Variants in HECTD4 observed in about 807,000 individuals in gnomAD.
The protein encoded by HECTD4 is probable E3 ubiquitin-protein ligase HECTD4.
In HECTD4, 114 loss-of-function variants were observed where a neutral mutation model predicts 471.5. The ratio of observed to expected loss-of-function variants is 0.24; its 90% CI spans 0.21 to 0.28. The LOEUF is 0.28. HECTD4 is among the 10% of genes least tolerant of loss of function. HECTD4 has a pLI of 1.00. For synonymous variants in HECTD4, 2,012 were observed against 2,256.0 expected, an observed-to-expected ratio of 0.89 and a Z score of 3.07; for missense variants, 3,866 against 5,651.5, an observed-to-expected ratio of 0.68 and a Z score of 10.13.
intron 29 of HECTD4, among the ~76,000 whole-genome samples, chr12:112,244,543 A>AT (rs1333871992): frequency 6.6e-6 from 1 of 151,876 alleles, no homozygotes; most frequent in African/African-American, 2.4e-5. Context: ...TAACCTCTGT[A>AT]TTTTTTTAGT....
intron 35 of HECTD4, 78 bp downstream of exon 35, chr12:112,236,867 A>C: frequency 7.5e-7 from 1 of 1,332,626 alleles, no homozygotes; most frequent in Non-Finnish European, 9.8e-7. Flanking sequence ...TTGAAAAGAC[A>C]ACCACCACCA....
At chr12:112,297,234 A>T (rs1247818048) in intron 7 of HECTD4, among the ~76,000 whole-genome samples, 1 of 145,910 alleles carries the variant, frequency 6.9e-6, no homozygotes, top group Non-Finnish European at 1.5e-5. Context: ...GTAGGTGCAG[A>T]GGATGTAAGT....
In HECTD4 at chr12:112,261,370, C is replaced by T. The variant is rs1457375239; in HGVS notation, c.2808G>A (p.Val936=). The T allele has an allele frequency of 6.2e-7, 1 of 1,612,010 alleles. No homozygotes were observed. Among genetic ancestry groups the T allele is most frequent in the Non-Finnish European group, 8.5e-7 (1 of 1,178,208 alleles). ...TTGTGACCTGCTGTAGCATTTCCAA[C>T]ACTTCATCACATCCAGTCAGGATTT... ...ATQILTGCDE[V]LEMLQQVTTA... is the part of the protein sequence containing the mutation. Residue 936 remains valine (V), a synonymous_variant, in exon 18 of 76, where the codon GTG becomes GTA. Transcript: ENST00000682272.
At chr12:112,295,160 C>G (rs192365350) in intron 7 of HECTD4, among the ~76,000 whole-genome samples, 2 of 136,076 alleles carry the variant, frequency 1.5e-5, no homozygotes, top group African/African-American at 3.0e-5. Context: ...GAGAGAGAAA[C>G]AAAAATCCCT....
chr12:112,307,569 T>A (rs2035291460), intron 6 of HECTD4, among the ~76,000 whole-genome samples: 1 of 152,248 alleles, frequency 6.6e-6, no homozygotes, highest in Non-Finnish European at 1.5e-5. Context: ...TCTGCACTTG[T>A]GACAAGAAAT....
chr12:112,351,756 A>C (rs1239700221), intron 1 of HECTD4, among the ~76,000 whole-genome samples: 1 of 152,254 alleles, frequency 6.6e-6, no homozygotes, highest in Non-Finnish European at 1.5e-5. Context: ...TGACTGACAT[A>C]AAGATTTTAC....
chr12:112,302,420 G>A (rs949423330), intron 7 of HECTD4: 31 of 755,166 alleles, frequency 4.1e-5, no homozygotes, highest in Non-Finnish European at 7.0e-5. Context: ...CAGGGCCTGG[G>A]TGAACTGGTT....
chr12:112,352,827 G>A (rs139822475), intron 1 of HECTD4, among the ~76,000 whole-genome samples: 175 of 151,904 alleles, frequency 1.2e-3, no homozygotes, highest in African/African-American at 4.0e-3. Flanking sequence ...GGCTGGTCTC[G>A]AACTCCAGGG....
intron 9 of HECTD4, among the ~76,000 whole-genome samples, chr12:112,278,971 T>G (rs1310249829): frequency 5.3e-5 from 8 of 152,218 alleles, no homozygotes; most frequent in African/African-American, 1.7e-4. Context: ...ATTATTTTAT[T>G]TCCTAAAACT....
At chr12:112,378,023 A>G (rs2036816564) in intron 1 of HECTD4, among the ~76,000 whole-genome samples, 2 of 152,198 alleles carry the variant, frequency 1.3e-5, no homozygotes, top group African/African-American at 4.8e-5. Context: ...AGCAGCGCTT[A>G]CAGGGTGAAC....
intron 32 of HECTD4, 26 bp from the exon 33 acceptor site, chr12:112,240,053 G>C (rs1203202011): frequency 5.0e-6 from 8 of 1,612,212 alleles, no homozygotes; most frequent in Non-Finnish European, 5.9e-6. Flanking sequence ...CAAAGCTCAG[G>C]CTTCCTGAAC....
chr12:112,258,768 C>T lies in HECTD4; in HGVS notation c.3028-172G>A, dbSNP rs144744726. 3.0e-3 allele frequency: 1,738 copies of T among 580,094 alleles called. 43 individuals carry two copies. The East Asian group carries it at 0.038, about 13-fold the overall frequency. The allele number at this position is 580,094 out of a possible 1,614,324, so 35.9% of individuals were successfully genotyped here. A position where few individuals can be genotyped will look rare whatever the true frequency, so the allele number is the denominator to read the frequency against. ...CCACTTAACATTATTTTACTTAATGCTGTAATGGAATGCATCATTTATATT... is the reference window on the plus strand; with the variant it reads ...CCACTTAACATTATTTTACTTAATGTTGTAATGGAATGCATCATTTATATT... On this transcript the variant is annotated intron_variant, in intron 19 of 75. Coordinates refer to ENST00000682272, the MANE Select transcript of HECTD4 (RefSeq NM_001388303.1).
intron 1 of HECTD4, among the ~76,000 whole-genome samples, chr12:112,326,661 GA>G (rs2035751670): frequency 6.6e-6 from 1 of 152,100 alleles, no homozygotes; most frequent in South Asian, 2.1e-4. Flanking sequence ...TAGGAGTGAG[GA>G]TAGGCATATA....
intron 2 of HECTD4, among the ~76,000 whole-genome samples, chr12:112,317,001 G>A (rs1464729627): frequency 3.9e-5 from 6 of 152,152 alleles, no homozygotes; most frequent in Non-Finnish European, 7.3e-5. Flanking sequence ...ATAAAAATGT[G>A]AGTTTTATGA....
chr12:112,308,566 C>G (rs2035314285), intron 6 of HECTD4, among the ~76,000 whole-genome samples, 187 bp downstream of exon 6: 1 of 151,560 alleles, frequency 6.6e-6, no homozygotes, highest in Admixed American at 6.6e-5. Context: ...AGAACACATT[C>G]ACTCAGTTCA....
At chr12:112,329,544 T>G (rs937598038) in intron 1 of HECTD4, among the ~76,000 whole-genome samples, 38 of 152,192 alleles carry the variant, frequency 2.5e-4, no homozygotes, top group African/African-American at 9.1e-4. Flanking sequence ...ATTTCTGTAT[T>G]TTTGGTAGAG....
At chr12:112,379,717 T>TATATATA (rs373474769) in intron 1 of HECTD4, among the ~76,000 whole-genome samples, 2 of 147,418 alleles carry the variant, frequency 1.4e-5, no homozygotes, top group African/African-American at 5.0e-5. Context: ...AAAAGATTTT[T>TATATATA]TATATATATA....
chr12:112,265,299 TA>T lies in HECTD4; in HGVS notation c.2499-5del. On this transcript the variant is annotated splice_region_variant and splice_polypyrimidine_tract_variant and intron_variant, in intron 15 of 75. Transcript: ENST00000682272. ...GTGTAAAAGTTCATCATTTAGTCTT[TA>T]AAATGCAGGAAAAATGTAACAATAA... The T allele has an allele frequency of 6.5e-7, 1 of 1,532,490 alleles. No individual in the cohort carries two copies. The highest frequency in any genetic ancestry group is 8.9e-7 in the Non-Finnish European group (1 of 1,125,254). The allele number at this position is 1,532,490 out of a possible 1,614,324, so 94.9% of individuals were successfully genotyped here.
At chr12:112,314,761 A>AT (rs1381367055) in intron 2 of HECTD4, among the ~76,000 whole-genome samples, 1 of 152,244 alleles carries the variant, frequency 6.6e-6, no homozygotes, top group African/African-American at 2.4e-5. Flanking sequence ...CATGCCAATT[A>AT]TGAAGAAGTT....
Sources: gnomAD v4.1 joint callset for allele counts (sites outside exome capture counted in the v4.1 genomes callset) on GRCh38, gnomAD v4.1.1 for gene constraint, MANE v1.5 for transcripts, NCBI Gene and HGNC (gene_info 2026-07-23, HGNC 2026-07-21) for gene names.